LARGE1: variants seen among roughly 807,000 people sequenced by gnomAD.
The protein encoded by LARGE1 is LARGE xylosyl- and glucuronyltransferase 1, also known as xylosyl- and glucuronyltransferase LARGE1.
LARGE1 carries 43 observed loss-of-function variants against 87.6 expected under a neutral mutation model. That is an observed-to-expected ratio of 0.49 (90% CI 0.38 to 0.63). The LOEUF (loss-of-function observed/expected upper bound fraction) is 0.63, where lower values mean the gene tolerates loss of function less well. Ranked by LOEUF, LARGE1 falls within the 30% of genes least tolerant of loss-of-function variation. The pLI is 0.00. For missense variants in LARGE1, 802 were observed against 1,000.2 expected (o/e 0.80, Z 2.67); for synonymous variants, 434 against 394.6 (o/e 1.10, Z -1.18).
chr22:33,671,077 G>C (rs1323346720), intron 2 of LARGE1, among the ~76,000 whole-genome samples: 1 of 152,180 alleles, frequency 6.6e-6, no homozygotes, highest in East Asian at 1.9e-4. Context: ...TCGAAGTGGG[G>C]ACCAGTGAAA....
At chr22:33,195,898 G>A (rs1301432943) in intron 11 of LARGE1, among the ~76,000 whole-genome samples, 1 of 151,458 alleles carries the variant, frequency 6.6e-6, no homozygotes, top group African/African-American at 2.4e-5. Flanking sequence ...GGGACTACAG[G>A]CGCCCGCCAC....
chr22:33,222,720 G>A (rs958764804), intron 11 of LARGE1, among the ~76,000 whole-genome samples: 1 of 152,106 alleles, frequency 6.6e-6, no homozygotes, highest in Admixed American at 6.5e-5. Context: ...GCCTTCAAGG[G>A]GATCATGGTC....
chr22:33,603,035 A>G (rs2079152884), intron 5 of LARGE1, among the ~76,000 whole-genome samples: 1 of 150,782 alleles, frequency 6.6e-6, no homozygotes, highest in Non-Finnish European at 1.5e-5. Flanking sequence ...CAATTTGCTA[A>G]ATTTTGTTTT....
At chr22:33,648,913 T>G (rs2080704376) in intron 3 of LARGE1, among the ~76,000 whole-genome samples, 1 of 152,198 alleles carries the variant, frequency 6.6e-6, no homozygotes, top group South Asian at 2.1e-4. Context: ...CAGAATGAGA[T>G]ACAAAACACG....
chr22:33,827,647 A>C (rs1177500904), intron 1 of LARGE1, among the ~76,000 whole-genome samples: 1 of 152,236 alleles, frequency 6.6e-6, no homozygotes, highest in Non-Finnish European at 1.5e-5. Flanking sequence ...TGTGATGAGA[A>C]GAGGCATCAC....
At chr22:33,566,647 G>A (rs1002018807) in intron 5 of LARGE1, among the ~76,000 whole-genome samples, 1 of 152,328 alleles carries the variant, frequency 6.6e-6, no homozygotes, top group East Asian at 1.9e-4. Context: ...CGAGAGGGAT[G>A]CCGCTGCTGG....
intron 11 of LARGE1, among the ~76,000 whole-genome samples, chr22:33,312,535 T>C (rs1376532900): frequency 3.9e-5 from 6 of 152,066 alleles, no homozygotes; most frequent in Admixed American, 3.3e-4. Context: ...GGACCAAGTG[T>C]CATTCACTGT....
At chr22:33,323,859 T>C (rs1160971992) in intron 10 of LARGE1, among the ~76,000 whole-genome samples, 1 of 152,208 alleles carries the variant, frequency 6.6e-6, no homozygotes, top group African/African-American at 2.4e-5. Flanking sequence ...TATGTACCTT[T>C]TCAAATTCTA....
At chr22:33,434,834 C>T (rs1179495210) in intron 6 of LARGE1, among the ~76,000 whole-genome samples, 1 of 152,144 alleles carries the variant, frequency 6.6e-6, no homozygotes, top group Admixed American at 6.6e-5. Flanking sequence ...GCAGGCATTG[C>T]CCTTGCCCCC....
chr22:33,853,466 C>A, intron 1 of LARGE1, among the ~76,000 whole-genome samples: 1 of 152,166 alleles, frequency 6.6e-6, no homozygotes, highest in East Asian at 1.9e-4. Context: ...AGGCTGTGAG[C>A]ATTTAAGTCC....
chr22:33,862,320 C>A (rs1361958575), intron 1 of LARGE1, among the ~76,000 whole-genome samples: 1 of 152,134 alleles, frequency 6.6e-6, no homozygotes, highest in Non-Finnish European at 1.5e-5. Flanking sequence ...TCTGTTCGGC[C>A]CACCTGGGAG....
intron 7 of LARGE1, among the ~76,000 whole-genome samples, chr22:33,403,728 C>T (rs1460499313): frequency 6.6e-6 from 1 of 152,036 alleles, no homozygotes; most frequent in Non-Finnish European, 1.5e-5. Flanking sequence ...CTCAGCCTCC[C>T]GAGTAGCTGG....
intron 1 of LARGE1, among the ~76,000 whole-genome samples, chr22:33,833,224 T>C (rs975084292): frequency 1.3e-5 from 2 of 152,208 alleles, no homozygotes; most frequent in Non-Finnish European, 1.5e-5. Context: ...GGATTACCAA[T>C]TATAAAGTCT....
chr22:33,634,651 C>T (rs945480304), intron 3 of LARGE1, among the ~76,000 whole-genome samples: 5 of 150,532 alleles, frequency 3.3e-5, no homozygotes, highest in East Asian at 1.9e-4. Context: ...TGGGTATAGG[C>T]TTCTACTGCA....
intron 5 of LARGE1, among the ~76,000 whole-genome samples, chr22:33,582,360 G>A (rs887490732): frequency 6.6e-6 from 1 of 151,566 alleles, no homozygotes; most frequent in African/African-American, 2.4e-5. Flanking sequence ...TTGACCTAAT[G>A]GAAAACATTG....
At position 33,701,737 on chromosome 22, in the gene LARGE1, G is replaced by C. The variant is rs536368203; in HGVS notation, c.107-51069C>G. Among the ~76,000 whole-genome samples the C allele has an allele frequency of 2.6e-5, 4 of 152,352 alleles. No individual in the cohort carries two copies. In the South Asian group the frequency reaches 8.3e-4, roughly 32 times the overall value. ...TGCCCAACTGCCACAGGGGCAGGGA[G>C]ACAGTCATTTATCTGGCTGCTTTGC... On this transcript the variant is annotated intron_variant, in intron 2 of 14. Transcript: ENST00000397394.
At chr22:33,367,175 T>C (rs905883591) in intron 9 of LARGE1, among the ~76,000 whole-genome samples, 1 of 151,974 alleles carries the variant, frequency 6.6e-6, no homozygotes, top group Admixed American at 6.6e-5. Flanking sequence ...CTGAGACTGT[T>C]TGCTTTATCT....
intron 1 of LARGE1, among the ~76,000 whole-genome samples, chr22:33,871,697 G>A (rs1201225342): frequency 2.6e-5 from 4 of 151,990 alleles, no homozygotes; most frequent in African/African-American, 7.2e-5. Flanking sequence ...ATACTCCTCT[G>A]TCTTCCCTCA....
At chr22:33,340,134 A>G (rs1285153530) in intron 9 of LARGE1, among the ~76,000 whole-genome samples, 1 of 151,868 alleles carries the variant, frequency 6.6e-6, no homozygotes, top group East Asian at 1.9e-4. Context: ...CAACAGGCCT[A>G]TGGGGCAGCA....
Sources: gnomAD v4.1 joint callset for allele counts (sites outside exome capture counted in the v4.1 genomes callset) on GRCh38, gnomAD v4.1.1 for gene constraint, MANE v1.5 for transcripts, NCBI Gene and HGNC (gene_info 2026-07-23, HGNC 2026-07-21) for gene names.